The following BCL2L13 variants were observed in gnomAD, a reference collection of about 807,000 sequenced individuals.
The protein encoded by BCL2L13 is BCL2 like 13.
In BCL2L13, 13 loss-of-function variants were observed where a neutral mutation model predicts 25.8. That is an observed-to-expected ratio of 0.50 (90% CI 0.33 to 0.80). The LOEUF (loss-of-function observed/expected upper bound fraction) is 0.80. Ranked by LOEUF, BCL2L13 falls within the 30% of genes least tolerant of loss-of-function variation. BCL2L13 has a pLI of 0.02. For synonymous variants in BCL2L13, 244 were observed against 230.3 expected (o/e 1.06, Z -0.54); for missense variants, 504 against 574.9 (o/e 0.88, Z 1.26).
chr22:17,678,562 G>A (rs2059641423), intron 2 of BCL2L13, among the ~76,000 whole-genome samples: 1 of 152,110 alleles, frequency 6.6e-6, no homozygotes, highest in African/African-American at 2.4e-5. Flanking sequence ...ACCTATCCAA[G>A]CTTCAGTTTC....
At chr22:17,635,985 AG>A (rs747890546), upstream of BCL2L13, among the ~76,000 whole-genome samples, 3 of 151,330 alleles carry the variant, frequency 2.0e-5, no homozygotes, top group African/African-American at 4.8e-5. Context: ...CTGGGATTAT[AG>A]GCGTGAACCA....
At chr22:17,698,718 G>A (rs944927723) in intron 5 of BCL2L13, among the ~76,000 whole-genome samples, 2 of 151,936 alleles carry the variant, frequency 1.3e-5, no homozygotes, top group African/African-American at 4.8e-5. Context: ...AACAGAGCCA[G>A]ACTGTCTCAG....
chr22:17,630,161 G>A (rs1170347653), intron 1 of BCL2L13, among the ~76,000 whole-genome samples: 3 of 147,190 alleles, frequency 2.0e-5, no homozygotes, highest in South Asian at 2.1e-4. Context: ...AGGTTGCGGT[G>A]AGCCAAGATC....
chr22:17,698,825 CAAT>C (rs768780619), intron 5 of BCL2L13, among the ~76,000 whole-genome samples: 2 of 152,182 alleles, frequency 1.3e-5, no homozygotes, highest in Non-Finnish European at 2.9e-5. Context: ...CCCCCGACAA[CAAT>C]GACTACTTTC....
chr22:17,638,844 C>G lies in BCL2L13; in HGVS notation c.-93C>G. The stretch of plus-strand genomic sequence containing the variant: ...GGGACCCTGTCGGAAGCAACTGCCG[C>G]CGCCGCCTCTTTCATCTCTTCTGGG... On this transcript the variant is annotated 5_prime_UTR_variant, in exon 1 of 7. Transcript: ENST00000317582. 8.1e-7 allele frequency: 1 copy of G among 1,232,160 alleles called. No homozygotes were observed. Among genetic ancestry groups the G allele is most frequent in the East Asian group, 3.2e-5 (1 of 31,710 alleles). The allele number at this position is 1,232,160 out of a possible 1,614,324, so 76.3% of individuals were successfully genotyped here.
intron 1 of BCL2L13, among the ~76,000 whole-genome samples, chr22:17,629,776 T>G (rs2057966018): frequency 6.6e-6 from 1 of 151,778 alleles, no homozygotes; most frequent in African/African-American, 2.4e-5. Context: ...GATTCAACAA[T>G]TGTTAACATT....
intron 6 of BCL2L13, among the ~76,000 whole-genome samples, chr22:17,712,392 A>G (rs1314454463): frequency 6.6e-6 from 1 of 152,236 alleles, no homozygotes; most frequent in African/African-American, 2.4e-5. Flanking sequence ...CCATAGTATT[A>G]GTTTCTCATT....
intron 3 of BCL2L13, among the ~76,000 whole-genome samples, chr22:17,687,493 A>G (rs1347375929): frequency 6.6e-6 from 1 of 151,948 alleles, no homozygotes; most frequent in Non-Finnish European, 1.5e-5. Context: ...GGCGTGTGCC[A>G]CAGCACCCAG....
At chr22:17,723,173 C>T (rs2535685) in intron 6 of BCL2L13, among the ~76,000 whole-genome samples, 21,161 of 151,672 alleles carry the variant, frequency 0.14, 2,023 homozygotes, top group Non-Finnish European at 0.21. Flanking sequence ...TGTCCCTCTC[C>T]CTCTCTCCCT....
intron 1 of BCL2L13, among the ~76,000 whole-genome samples, chr22:17,651,067 C>CA (rs1401898415): frequency 5.6e-5 from 8 of 143,562 alleles, no homozygotes; most frequent in Non-Finnish European, 7.5e-5. Context: ...GATCTCGGCT[C>CA]ACTGCAACCT....
At chr22:17,722,378 G>GCGTGCGTGTGTGT (rs1491171137) in intron 6 of BCL2L13, among the ~76,000 whole-genome samples, 2 of 122,066 alleles carry the variant, frequency 1.6e-5, no homozygotes, top group Admixed American at 7.5e-5. Context: ...AGACTACAGG[G>GCGTGCGTGTGTGT]GTGTGTGTGT....
chr22:17,722,542 A>G lies in BCL2L13; in HGVS notation c.601-4135A>G, dbSNP rs112915258. ...CAGGTATGAACCACTGTGCCCAGCC[A>G]GGTCTAATTGCCTATTTTTAAGCTC... On this transcript the variant is annotated intron_variant, in intron 6 of 6. Coordinates refer to ENST00000317582, the MANE Select transcript of BCL2L13 (RefSeq NM_015367.4). 4.0e-3 allele frequency among the ~76,000 whole-genome samples: 611 copies of G among 152,226 alleles called. 4 individuals are homozygous for G. Among genetic ancestry groups the G allele is most frequent in the African/African-American group, 0.014 (592 of 41,536 alleles).
intron 6 of BCL2L13, among the ~76,000 whole-genome samples, chr22:17,714,600 C>T (rs2060860234): frequency 6.6e-6 from 1 of 152,086 alleles, no homozygotes; most frequent in Non-Finnish European, 1.5e-5. Context: ...CTTGGGGGGA[C>T]CATGACTCAA....
chr22:17,706,740 CCT>C (rs774443965), intron 6 of BCL2L13: 1 of 1,352,032 alleles, frequency 7.4e-7, no homozygotes, highest in Admixed American at 1.9e-5. Flanking sequence ...CTCCCTCCCT[CCT>C]CATTCTCTTT....
At chr22:17,672,819 T>C (rs1159358627) in intron 2 of BCL2L13, among the ~76,000 whole-genome samples, 2 of 152,218 alleles carry the variant, frequency 1.3e-5, no homozygotes, top group African/African-American at 2.4e-5. Flanking sequence ...ATGGTAACCA[T>C]GACATTTTTG....
chr22:17,722,856 A>T (rs2061185583), intron 6 of BCL2L13, among the ~76,000 whole-genome samples: 1 of 152,136 alleles, frequency 6.6e-6, no homozygotes, highest in South Asian at 2.1e-4. Flanking sequence ...GGATATCTTT[A>T]ATTTCTTTCA....
chr22:17,645,861 C>G (rs560336422), intron 1 of BCL2L13, among the ~76,000 whole-genome samples: 1 of 151,246 alleles, frequency 6.6e-6, no homozygotes, highest in Non-Finnish European at 1.5e-5. Flanking sequence ...GCAGATTCCA[C>G]CAGTCTTGAT....
chr22:17,718,031 G>A (rs967111144), intron 6 of BCL2L13, among the ~76,000 whole-genome samples: 1 of 152,042 alleles, frequency 6.6e-6, no homozygotes, highest in African/African-American at 2.4e-5. Flanking sequence ...AGGTTGCAGT[G>A]AGCTGTGTTC....
At chr22:17,677,159 A>G (rs1237984749) in intron 2 of BCL2L13, among the ~76,000 whole-genome samples, 1 of 143,814 alleles carries the variant, frequency 7.0e-6, no homozygotes, top group Non-Finnish European at 1.6e-5. Flanking sequence ...ATTCTCAAAA[A>G]ATAAAAAAAT....
Sources: allele counts gnomAD v4.1 joint callset (sites outside exome capture counted in the v4.1 genomes callset), GRCh38; gene constraint gnomAD v4.1.1; transcripts MANE v1.5; gene names NCBI Gene and HGNC (gene_info 2026-07-23, HGNC 2026-07-21).